SRCIN1: variants seen among roughly 807,000 people sequenced by gnomAD.
SRCIN1 encodes the protein P130Cas-associated protein.
Under a neutral mutation model 116.2 loss-of-function variants are expected in SRCIN1, and 50 were observed. The observed-to-expected ratio is 0.43, with a 90% CI of 0.34 to 0.54. The LOEUF is 0.54. SRCIN1 is among the 20% of genes least tolerant of loss of function. The probability of loss-of-function intolerance (pLI) is 0.02; values close to 1 mark genes in which losing one functional copy is unlikely to be tolerated. For synonymous variants in SRCIN1, 736 were observed against 750.0 expected (o/e 0.98, Z 0.30); for missense variants, 1,446 against 1,672.0 (o/e 0.86, Z 2.36).
chr17:38,560,450 A>G, intron 7 of SRCIN1, 25 bp from the exon 8 acceptor site: 1 of 1,584,476 alleles, frequency 6.3e-7, no homozygotes, highest in Non-Finnish European at 8.6e-7. Context: ...GGTCTGGGCA[A>G]CCTCGCCTCT....
At chr17:38,606,050 G>T (rs1909350981), upstream of SRCIN1, 1 of 145,984 alleles carries the variant, frequency 6.9e-6, no homozygotes, top group Non-Finnish European at 1.5e-5. This position sits in a 1 kb window ranked among gnomAD's most constrained non-coding sequence, Gnocchi z 5.2. Flanking sequence ...GCCGCCCGGG[G>T]CGGCGGGGGC....
rs577763242 is a variant in SRCIN1 at position 38,534,972 on chromosome 17, A to T, written c.3418-1541T>A. On this transcript the variant is annotated intron_variant, in intron 18 of 18. Transcript: ENST00000617146. ...AGACCTCGTCTCTACTAAAAAAAAA[A>T]TTTTTTTTAAATAGCTGAGTGTGAT... Among the ~76,000 whole-genome samples, 124 of 151,872 alleles carry T rather than the reference A, an allele frequency of 8.2e-4. 2 individuals carry two copies. The highest frequency in any genetic ancestry group is 2.2e-3 in the African/African-American group (93 of 41,402).
At chr17:38,539,859 G>A (rs145953641) in intron 18 of SRCIN1, among the ~76,000 whole-genome samples, 3,594 of 151,630 alleles carry the variant, frequency 0.024, 157 homozygotes, top group African/African-American at 0.081. Context: ...CACCTCTACT[G>A]AAAATACAAA....
chr17:38,575,069 C>G (rs532695585), intron 2 of SRCIN1: 18 of 398,872 alleles, frequency 4.5e-5, no homozygotes, highest in African/African-American at 3.7e-4. Flanking sequence ...CTGGGGCAAG[C>G]CTTGGCACAG....
Position 38,533,107 on chromosome 17 carries a change from A to AC in SRCIN1, c.*189_*190insG, listed in dbSNP as rs1567845631. ...AAAAGTTAATTGTTAAAAAAAAAAA[A>AC]AAAAACAAAACCAAAAACACCAACA... On this transcript the variant is annotated 3_prime_UTR_variant, in exon 19 of 19. Coordinates refer to ENST00000617146, the MANE Select transcript of SRCIN1 (RefSeq NM_025248.3). 9.9e-5 allele frequency: 45 copies of AC among 453,062 alleles called. No individual in the cohort carries two copies. Among genetic ancestry groups the AC allele is most frequent in the South Asian group, 9.7e-5 (1 of 10,304 alleles). The allele number at this position is 453,062 out of a possible 1,614,324, so 28.1% of individuals were successfully genotyped here. A position where few individuals can be genotyped will look rare whatever the true frequency, so the allele number is the denominator to read the frequency against.
intron 3 of SRCIN1, among the ~76,000 whole-genome samples, chr17:38,564,735 G>A (rs1331802461): frequency 7.2e-6 from 1 of 138,936 alleles, no homozygotes; most frequent in Non-Finnish European, 1.6e-5. Flanking sequence ...TATTCTTCAT[G>A]GAGTTCAGAG....
intron 1 of SRCIN1, among the ~76,000 whole-genome samples, chr17:38,593,475 T>A (rs955135030): frequency 6.6e-6 from 1 of 152,024 alleles, no homozygotes; most frequent in African/African-American, 2.4e-5. Flanking sequence ...AGGGAGGGTG[T>A]AGGGCTGAGG....
At chr17:38,587,666 C>T (rs777699286) in intron 1 of SRCIN1, among the ~76,000 whole-genome samples, 6 of 152,142 alleles carry the variant, frequency 3.9e-5, no homozygotes, top group Non-Finnish European at 5.9e-5. Flanking sequence ...GGCCACGGGC[C>T]CCAGGAGGAC....
intron 2 of SRCIN1, chr17:38,575,088 CT>C (rs1386467540): frequency 7.5e-6 from 3 of 398,474 alleles, no homozygotes; most frequent in Non-Finnish European, 1.3e-5. Context: ...AGAGCTCATA[CT>C]GCAGAGGGGT....
At chr17:38,540,633 G>A (rs1168353510) in intron 18 of SRCIN1, among the ~76,000 whole-genome samples, 2 of 152,246 alleles carry the variant, frequency 1.3e-5, no homozygotes, top group East Asian at 3.8e-4. Flanking sequence ...GGGTGTGGGT[G>A]CAGGGGCAGG....
rs1402811545 is a variant in SRCIN1 at position 38,551,187 on chromosome 17, G to A, written c.2930C>T (p.Pro977Leu). 1.3e-6 allele frequency: 2 copies of A among 1,586,114 alleles called. No individual in the cohort carries two copies. Among genetic ancestry groups the A allele is most frequent in the Non-Finnish European group, 1.7e-6 (2 of 1,162,208 alleles). Residue 977 changes from proline (P) to leucine (L), a missense_variant, in exon 15 of 19, where the codon CCC becomes CTC. This residue lies in a region of SRCIN1 where 531 missense variants were observed against 633.9 expected (regional missense o/e 0.84). Coordinates refer to ENST00000617146, the MANE Select transcript of SRCIN1 (RefSeq NM_025248.3). Reference sequence around the variant, plus strand: ...CCTCCTCCCACTGGGCTCCGTTCGGGGGGCTGCCTTCTGGCCGTGGGGGGC... The same window carrying A: ...CCTCCTCCCACTGGGCTCCGTTCGGAGGGCTGCCTTCTGGCCGTGGGGGGC... ...PKAPHGQKAAPRTEPSGRRGS... is the reference protein window; with the variant it reads ...PKAPHGQKAALRTEPSGRRGS...
Position 38,563,255 on chromosome 17 carries a change from G to A in SRCIN1, c.740+68C>T, listed in dbSNP as rs1422908106. 5.3e-6 allele frequency: 8 copies of A among 1,520,512 alleles called. No individual in the cohort carries two copies. The Admixed American group carries it at 1.6e-4, about 31-fold the overall frequency. 94.2% of individuals were successfully genotyped at this position (1,520,512 alleles called of 1,614,324 possible). A position where few individuals can be genotyped will look rare whatever the true frequency, so the allele number is the denominator to read the frequency against. On this transcript the variant is annotated intron_variant, in intron 5 of 18. Transcript: ENST00000617146. The surrounding 1 kb of genome is among the most constrained non-coding windows in gnomAD (Gnocchi z 5.8). ...AGGAAGGAGCTGGGGAAGGGCCGGCGGGGTCCAGCACCCTGCAGAGGAGGA... is the reference window on the plus strand; with the variant it reads ...AGGAAGGAGCTGGGGAAGGGCCGGCAGGGTCCAGCACCCTGCAGAGGAGGA...
upstream of SRCIN1, among the ~76,000 whole-genome samples, chr17:38,606,846 C>T (rs1351657375): frequency 2.0e-5 from 3 of 152,230 alleles, no homozygotes; most frequent in African/African-American, 7.2e-5. The surrounding 1 kb of genome is among the most constrained non-coding windows in gnomAD (Gnocchi z 5.2). Context: ...TTCCAGCGGC[C>T]CCCTCCCTCC....
At position 38,568,183 on chromosome 17, in the gene SRCIN1, C is replaced by T; in HGVS notation, c.345+28G>A. 2 of 1,612,650 alleles carry T rather than the reference C, an allele frequency of 1.2e-6. No homozygotes were observed. Among genetic ancestry groups the T allele is most frequent in the Non-Finnish European group, 1.7e-6 (2 of 1,179,382 alleles). On this transcript the variant is annotated intron_variant, in intron 3 of 18. Coordinates refer to ENST00000617146, the MANE Select transcript of SRCIN1 (RefSeq NM_025248.3). The surrounding 1 kb of genome is among the most constrained non-coding windows in gnomAD (Gnocchi z 4.5). Reference sequence around the variant, plus strand: ...GGGGAGGGAGAGCACATGCAGTTGTCATGGGAGCAGAGGCATCACACACTG... The same window carrying T: ...GGGGAGGGAGAGCACATGCAGTTGTTATGGGAGCAGAGGCATCACACACTG...
chr17:38,605,675 G>A lies in SRCIN1; in HGVS notation c.22+9C>T, dbSNP rs369521425. On this transcript the variant is annotated intron_variant, in intron 1 of 18. Transcript: ENST00000617146. ...AGGCACATTAGGGAGGAGAGAGACAGGGACATGCCTTGGGACGGAGCGTTC... is the reference window on the plus strand; with the variant it reads ...AGGCACATTAGGGAGGAGAGAGACAAGGACATGCCTTGGGACGGAGCGTTC... The A allele has an allele frequency of 5.3e-5, 72 of 1,360,376 alleles. No homozygotes were observed. In the African/African-American group the frequency reaches 1.0e-3, roughly 20 times the overall value. The allele number at this position is 1,360,376 out of a possible 1,614,324, so 84.3% of individuals were successfully genotyped here.
chr17:38,560,236 G>C, intron 8 of SRCIN1, 97 bp downstream of exon 8: 1 of 1,416,102 alleles, frequency 7.1e-7, no homozygotes, highest in Non-Finnish European at 9.6e-7. Flanking sequence ...ATTCACCCAG[G>C]GTCACCCAGT....
At position 38,555,663 on chromosome 17, in the gene SRCIN1, C is replaced by T. The variant is rs530441836; in HGVS notation, c.2201+2564G>A. ...GTCATACAGCTATTTTGCAGCAAAG[C>T]GGGATCTACTCACATCTGACATCAG... On this transcript the variant is annotated intron_variant, in intron 11 of 18. Transcript: ENST00000617146. Among the ~76,000 whole-genome samples, 13 of 152,278 alleles carry T rather than the reference C, an allele frequency of 8.5e-5. No homozygotes were observed. The South Asian group carries it at 1.9e-3, about 22-fold the overall frequency.
chr17:38,550,729 A>C (rs1236473695), intron 15 of SRCIN1, among the ~76,000 whole-genome samples: 2 of 152,346 alleles, frequency 1.3e-5, no homozygotes, highest in East Asian at 3.9e-4. Flanking sequence ...AAAATGAAGG[A>C]ATGATGACTG....
chr17:38,545,385 C>T (rs997534820), intron 17 of SRCIN1: 15 of 141,836 alleles, frequency 1.1e-4, no homozygotes, highest in African/African-American at 3.0e-4. Flanking sequence ...TGGCCTCTGG[C>T]GGGGAGGGAG....
Sources: allele counts gnomAD v4.1 joint callset (sites outside exome capture counted in the v4.1 genomes callset), GRCh38; gene constraint gnomAD v4.1.1; regional missense constraint gnomAD v4.1.1; non-coding constraint Gnocchi (gnomAD v3.1); transcripts MANE v1.5; gene names NCBI Gene and HGNC (gene_info 2026-07-23, HGNC 2026-07-21).